Variants in ZNF445 observed in about 807,000 individuals in gnomAD.
The protein encoded by ZNF445 is zinc finger protein 168.
Under a neutral mutation model 93.9 loss-of-function variants are expected in ZNF445, and 19 were observed. That is an observed-to-expected ratio of 0.20 (90% confidence interval 0.14 to 0.30). The LOEUF (loss-of-function observed/expected upper bound fraction) is 0.30, where lower values mean the gene tolerates loss of function less well. Among genes scored for constraint, ZNF445 ranks in the 10% least tolerant of loss-of-function variants. ZNF445 has a pLI of 1.00. For missense variants in ZNF445, 1,058 were observed against 1,259.4 expected, an observed-to-expected ratio of 0.84 and a Z score of 2.42; for synonymous variants, 449 against 446.3, an observed-to-expected ratio of 1.01 and a Z score of -0.08.
intron 1 of ZNF445, among the ~76,000 whole-genome samples, chr3:44,473,492 A>ACACACAC (rs1559400839): frequency 0.17 from 14,711 of 88,926 alleles, 859 homozygotes; most frequent in East Asian, 0.32. Context: ...CACACACACA[A>ACACACAC]AAAATGCTTT....
At chr3:44,467,168 A>C (rs1698207537) in intron 1 of ZNF445, among the ~76,000 whole-genome samples, 1 of 152,242 alleles carries the variant, frequency 6.6e-6, no homozygotes, top group Non-Finnish European at 1.5e-5. Context: ...AGTTAAGAGA[A>C]CTTATTTCTT....
At chr3:44,449,476 A>G (rs1382830462) in intron 7 of ZNF445, 37 bp downstream of exon 7, 2 of 1,484,328 alleles carry the variant, frequency 1.3e-6, no homozygotes, top group Non-Finnish European at 1.9e-6. Context: ...AAGTAAAAGC[A>G]GGAGGAGCAG....
chr3:44,472,632 G>T (rs1393316073), intron 1 of ZNF445, among the ~76,000 whole-genome samples: 3 of 152,094 alleles, frequency 2.0e-5, no homozygotes, highest in Non-Finnish European at 4.4e-5. Flanking sequence ...CTGCAATCAT[G>T]AACATGAATA....
At chr3:44,475,930 C>T (rs536050367) in intron 1 of ZNF445, among the ~76,000 whole-genome samples, 4 of 152,154 alleles carry the variant, frequency 2.6e-5, no homozygotes, top group South Asian at 2.1e-4. Context: ...ACCCAGGAGG[C>T]GGAGGCTGCA....
intron 1 of ZNF445, among the ~76,000 whole-genome samples, chr3:44,459,131 C>A (rs1698072087): frequency 6.6e-6 from 1 of 152,184 alleles, no homozygotes; most frequent in South Asian, 2.1e-4. Flanking sequence ...CACATCCCAT[C>A]TCCACAGGAA....
chr3:44,457,650 T>C (rs1436168470), intron 2 of ZNF445, among the ~76,000 whole-genome samples: 1 of 152,100 alleles, frequency 6.6e-6, no homozygotes, highest in Non-Finnish European at 1.5e-5. Context: ...ATTGGACATC[T>C]AAAAGCAAAA....
intron 1 of ZNF445, among the ~76,000 whole-genome samples, chr3:44,473,370 C>T (rs1453261998): frequency 6.6e-6 from 1 of 151,662 alleles, no homozygotes; most frequent in Non-Finnish European, 1.5e-5. Context: ...AGGAGAATCG[C>T]TTGAACCCAG....
chr3:44,449,714 G>C (rs1697931691), intron 6 of ZNF445, 91 bp from the exon 7 acceptor site: 2 of 1,060,384 alleles, frequency 1.9e-6, no homozygotes, highest in Admixed American at 3.8e-5. Flanking sequence ...TGGTGGGAAG[G>C]TGGGAAAGAC....
chr3:44,450,176 C>T (rs1161246416), intron 6 of ZNF445: 1 of 440,744 alleles, frequency 2.3e-6, no homozygotes, highest in Non-Finnish European at 4.2e-6. Flanking sequence ...TGAGCTCAAG[C>T]AATCTTCCCA....
chr3:44,470,109 G>T (rs977247479), intron 1 of ZNF445, among the ~76,000 whole-genome samples: 2 of 151,982 alleles, frequency 1.3e-5, no homozygotes, highest in Non-Finnish European at 2.9e-5. Context: ...TTTTTTTAGC[G>T]ATAGGGTCTC....
intron 4 of ZNF445, 148 bp downstream of exon 4, chr3:44,451,166 T>C (rs1460447824): frequency 5.3e-6 from 6 of 1,132,366 alleles, no homozygotes; most frequent in African/African-American, 1.6e-5. Flanking sequence ...AAGCCACATA[T>C]AGGTTATAGA....
chr3:44,439,949 C>G lies in ZNF445; in HGVS notation c.*6626G>C, dbSNP rs750510590. ...TGCACAGTTTGAACTTCCCCTCTGA[C>G]GCAAAGAGGAAGTGGCTGGGCTTTC... is the stretch of plus-strand genomic sequence containing the variant. On this transcript the variant is annotated 3_prime_UTR_variant, in exon 8 of 8. Coordinates refer to ENST00000396077, the MANE Select transcript of ZNF445 (RefSeq NM_181489.6). 1 of 152,166 alleles carries G rather than the reference C, an allele frequency of 6.6e-6. No homozygotes were observed. Among genetic ancestry groups the G allele is most frequent in the African/African-American group, 2.4e-5 (1 of 41,436 alleles). The allele number at this position is 152,166 out of a possible 1,614,324, so 9.4% of individuals were successfully genotyped here.
At chr3:44,450,278 T>C in intron 6 of ZNF445, 169 bp downstream of exon 6, 1 of 756,988 alleles carries the variant, frequency 1.3e-6, no homozygotes, top group African/African-American at 1.7e-5. Context: ...GCAGGCATTA[T>C]TCTCCCCATT....
intron 7 of ZNF445, 105 bp from the exon 8 acceptor site, chr3:44,448,844 A>C: frequency 7.6e-7 from 1 of 1,310,192 alleles, no homozygotes. Context: ...CTTTTGCCTG[A>C]CTGCCAATAC....
In ZNF445 at chr3:44,432,762, TC is replaced by T. The variant is rs1697584766; in HGVS notation, c.*13812del. 1 of 152,220 alleles carries T rather than the reference TC, an allele frequency of 6.6e-6. No individual in the cohort carries two copies. Among genetic ancestry groups the T allele is most frequent in the African/African-American group, 2.4e-5 (1 of 41,440 alleles). 9.4% of individuals were successfully genotyped at this position (152,220 alleles called of 1,614,324 possible). On this transcript the variant is annotated 3_prime_UTR_variant, in exon 8 of 8. Coordinates refer to ENST00000396077, the MANE Select transcript of ZNF445 (RefSeq NM_181489.6). ...CCTAAAATTTACCCTCACACTCCAG[TC>T]CTCCAACATCCCAGCTTCCCTCTTA...
At position 44,447,963 on chromosome 3, in the gene ZNF445, C is replaced by T; in HGVS notation, c.1708G>A (p.Glu570Lys). The T allele has an allele frequency of 6.2e-7, 1 of 1,613,068 alleles. No individual in the cohort carries two copies. The highest frequency in any genetic ancestry group is 8.5e-7 in the Non-Finnish European group (1 of 1,179,986). ...RETHAKKKFL[E>K]LNQYRAALTY... ...AGAGCTGCCCTATACTGATTCAATTCAAGAAATTTCTTCTTAGCATGGGTT... is the reference window on the plus strand; with the variant it reads ...AGAGCTGCCCTATACTGATTCAATTTAAGAAATTTCTTCTTAGCATGGGTT... Residue 570 changes from glutamate to lysine, a missense_variant, in exon 8 of 8, where the codon GAA becomes AAA. Around this residue, in one of 3 missense-constraint regions of ZNF445, gnomAD observed 657 missense variants for 746.4 expected, o/e 0.88. Coordinates refer to ENST00000396077, the MANE Select transcript of ZNF445 (RefSeq NM_181489.6). This position sits in a 1 kb window ranked among gnomAD's most constrained non-coding sequence, Gnocchi z 4.7.
intron 1 of ZNF445, among the ~76,000 whole-genome samples, chr3:44,460,331 T>A (rs926657163): frequency 6.6e-6 from 1 of 152,182 alleles, no homozygotes; most frequent in African/African-American, 2.4e-5. Flanking sequence ...ACATAGAGAT[T>A]AACAACCCTT....
Position 44,432,273 on chromosome 3 carries a change from C to CTGTGTGTGTGTGTGTGTGTG in ZNF445, c.*14282_*14301dup, listed in dbSNP as rs781032930. 10 of 140,570 alleles carry CTGTGTGTGTGTGTGTGTGTG rather than the reference C, an allele frequency of 7.1e-5. No individual in the cohort carries two copies. Among genetic ancestry groups the CTGTGTGTGTGTGTGTGTGTG allele is most frequent in the African/African-American group, 1.3e-4 (5 of 39,080 alleles). 8.7% of individuals were successfully genotyped at this position (140,570 alleles called of 1,614,324 possible). On this transcript the variant is annotated 3_prime_UTR_variant, in exon 8 of 8. Transcript: ENST00000396077. ...TCTACACTCATTTGTGTGTGTGTGT[C>CTGTGTGTGTGTGTGTGTGTG]TGTGTGTGTGTGTGTGTGTGTGTGT... is the stretch of plus-strand genomic sequence containing the variant.
At chr3:44,475,488 C>T (rs995765610) in intron 1 of ZNF445, among the ~76,000 whole-genome samples, 1 of 152,120 alleles carries the variant, frequency 6.6e-6, no homozygotes, top group African/African-American at 2.4e-5. Flanking sequence ...GCATGAGCCA[C>T]CATGCTCAGC....
Sources: allele counts gnomAD v4.1 joint callset (sites outside exome capture counted in the v4.1 genomes callset), GRCh38; gene constraint gnomAD v4.1.1; regional missense constraint gnomAD v4.1.1; non-coding constraint Gnocchi (gnomAD v3.1); transcripts MANE v1.5; gene names NCBI Gene and HGNC (gene_info 2026-07-23, HGNC 2026-07-21).